PARD3: variants seen among roughly 807,000 people sequenced by gnomAD.
PARD3 encodes partitioning defective 3 homolog.
A neutral mutation model predicts 155.4 loss-of-function variants in PARD3; 75 were observed. That is an observed-to-expected ratio of 0.48 (90% CI 0.40 to 0.58). The LOEUF (loss-of-function observed/expected upper bound fraction) is 0.58. PARD3 is among the 20% of genes least tolerant of loss of function. The pLI is 0.00. For missense variants in PARD3, 1,642 were observed against 1,721.7 expected, an observed-to-expected ratio of 0.95 and a Z score of 0.82; for synonymous variants, 576 against 610.5, an observed-to-expected ratio of 0.94 and a Z score of 0.83.
intron 14 of PARD3, among the ~76,000 whole-genome samples, chr10:34,356,286 T>C (rs73256797): frequency 0.11 from 16,404 of 152,186 alleles, 1,769 homozygotes; most frequent in African/African-American, 0.28. Context: ...GTGAGGTGGC[T>C]CATGCCTGAA....
rs186901274 is a variant in PARD3, at chr10:34,312,140, A to C, written c.3065+4967T>G. On this transcript the variant is annotated intron_variant, in intron 20 of 24. Transcript: ENST00000374788. ...AAAAAAACACGTCTCTGCCTTTTCA[A>C]GCGTAATTTAAACCCCAAGCTTGAA... The C allele has an allele frequency of 2.7e-4, 208 of 780,096 alleles. 1 individual carries two copies. In the African/African-American group the frequency reaches 2.8e-3, roughly 10 times the overall value. 48.3% of individuals were successfully genotyped at this position (780,096 alleles called of 1,614,324 possible). A position where few individuals can be genotyped will look rare whatever the true frequency, so the allele number is the denominator to read the frequency against.
chr10:34,220,688 C>T (rs1952233975), intron 22 of PARD3, among the ~76,000 whole-genome samples: 1 of 152,160 alleles, frequency 6.6e-6, no homozygotes, highest in South Asian at 2.1e-4. Context: ...GTGATGGCAC[C>T]TTCTGCTTAG....
chr10:34,557,964 A>C (rs2134027073), intron 2 of PARD3, among the ~76,000 whole-genome samples: 1 of 152,166 alleles, frequency 6.6e-6, no homozygotes, highest in South Asian at 2.1e-4. Flanking sequence ...GAAAGAAAGA[A>C]AAAAGTACAA....
At chr10:34,579,554 CTGTGTGTGTGTGTGTG>C (rs554959827) in intron 2 of PARD3, among the ~76,000 whole-genome samples, 4,175 of 122,564 alleles carry the variant, frequency 0.034, 199 homozygotes, top group African/African-American at 0.11. Flanking sequence ...ACCATTTTCT[CTGTGTGTGTGTGTGTG>C]TGTGTGTGTG....
At chr10:34,298,403 T>C (rs1339205382) in intron 20 of PARD3, among the ~76,000 whole-genome samples, 1 of 152,162 alleles carries the variant, frequency 6.6e-6, no homozygotes, top group Non-Finnish European at 1.5e-5. Context: ...TACAATAAAA[T>C]ACTACTCAGC....
At chr10:34,697,034 A>AC (rs1252439509) in intron 1 of PARD3, among the ~76,000 whole-genome samples, 1 of 146,192 alleles carries the variant, frequency 6.8e-6, no homozygotes, top group African/African-American at 2.7e-5. Flanking sequence ...TAAAATGCGT[A>AC]AACACACACA....
intron 22 of PARD3, among the ~76,000 whole-genome samples, chr10:34,227,854 T>TATATA (rs1952683542): frequency 1.5e-4 from 4 of 26,504 alleles, no homozygotes; most frequent in African/African-American, 3.0e-4. Flanking sequence ...GGGAATTATT[T>TATATA]TTTATATATA....
At chr10:34,692,086 G>A (rs1426203499) in intron 2 of PARD3, among the ~76,000 whole-genome samples, 3 of 152,136 alleles carry the variant, frequency 2.0e-5, no homozygotes, top group Non-Finnish European at 2.9e-5. Flanking sequence ...ACAAAAATTA[G>A]CCAGGCATGG....
rs779214274 is a variant in PARD3 at position 34,317,243 on chromosome 10, C to T, written c.2929G>A (p.Gly977Arg). Residue 977 changes from glycine (G) to arginine (R), a missense_variant, in exon 20 of 25, where the codon GGA becomes AGA. By Grantham distance (125) the Gly-to-Arg change is moderately radical. Around this residue, in one of 3 missense-constraint regions of PARD3, gnomAD observed 1,529 missense variants for 1,587.3 expected, o/e 0.96. Transcript: ENST00000374788. Reference sequence around the variant, plus strand: ...GTCTTATCACCTTTCTCTTGGTTTCCATTCATTTGTCTCTCCAGAGAGTGG... The same window carrying T: ...GTCTTATCACCTTTCTCTTGGTTTCTATTCATTTGTCTCTCCAGAGAGTGG... ...PSHSLERQMNGNQEKGDKTDR... is the reference protein window; with the variant it reads ...PSHSLERQMNRNQEKGDKTDR... The T allele has an allele frequency of 6.2e-7, 1 of 1,613,312 alleles. No individual in the cohort carries two copies. Among genetic ancestry groups the T allele is most frequent in the Non-Finnish European group, 8.5e-7 (1 of 1,179,844 alleles).
chr10:34,463,116 A>G, intron 4 of PARD3, among the ~76,000 whole-genome samples: 1 of 107,076 alleles, frequency 9.3e-6, no homozygotes. Flanking sequence ...GTGAAGGGGA[A>G]GAAAAGGAAA....
At chr10:34,411,877 G>GTT in intron 5 of PARD3, among the ~76,000 whole-genome samples, 1 of 150,580 alleles carries the variant, frequency 6.6e-6, no homozygotes, top group East Asian at 2.0e-4. Context: ...TTTATCAGGA[G>GTT]TTTTTTTTCT....
At chr10:34,177,648 G>A (rs1950092969) in intron 22 of PARD3, among the ~76,000 whole-genome samples, 1 of 152,258 alleles carries the variant, frequency 6.6e-6, no homozygotes, top group Non-Finnish European at 1.5e-5. Context: ...CAATTAGAAC[G>A]CAAGACTCGC....
In PARD3 at chr10:34,411,919, CGTGTGTGTGTGTGTGT is replaced by C. The variant is rs61517279; in HGVS notation, c.715-10018_715-10003del. On this transcript the variant is annotated intron_variant, in intron 5 of 24. Transcript: ENST00000374788. ...TTTAACAAAATCTTTATAAGCTAGT[CGTGTGTGTGTGTGTGT>C]GTGTGTGTGTGTGTGTGTGTGTGTG... 1.8e-3 allele frequency among the ~76,000 whole-genome samples: 259 copies of C among 141,178 alleles called. 3 individuals are homozygous for C. The highest frequency in any genetic ancestry group is 5.8e-3 in the African/African-American group (222 of 38,198). 92.6% of individuals were successfully genotyped at this position (141,178 alleles called of 152,430 possible). A position where few individuals can be genotyped will look rare whatever the true frequency, so the allele number is the denominator to read the frequency against.
chr10:34,262,315 G>A (rs72786250), intron 22 of PARD3, among the ~76,000 whole-genome samples: 7,360 of 151,870 alleles, frequency 0.048, 231 homozygotes, highest in Non-Finnish European at 0.075. Flanking sequence ...CACTGATTCT[G>A]GAGTGCAGTG....
chr10:34,125,142 C>T (rs1947213914), intron 23 of PARD3, among the ~76,000 whole-genome samples: 1 of 150,596 alleles, frequency 6.6e-6, no homozygotes, highest in Non-Finnish European at 1.5e-5. Context: ...TCTTGGCTCA[C>T]TGCCACCTTA....
At chr10:34,170,913 T>G (rs889473905) in intron 22 of PARD3, among the ~76,000 whole-genome samples, 7 of 152,226 alleles carry the variant, frequency 4.6e-5, no homozygotes, top group Non-Finnish European at 7.3e-5. Flanking sequence ...TGGAATAATG[T>G]GCTAGACGCG....
intron 14 of PARD3, among the ~76,000 whole-genome samples, chr10:34,355,285 A>G (rs1212997644): frequency 6.6e-6 from 1 of 152,090 alleles, no homozygotes; most frequent in African/African-American, 2.4e-5. Flanking sequence ...CGGGGACTAT[A>G]CCACTGCACT....
intron 22 of PARD3, among the ~76,000 whole-genome samples, chr10:34,256,678 C>T (rs1004888602): frequency 6.6e-6 from 1 of 152,024 alleles, no homozygotes; most frequent in Non-Finnish European, 1.5e-5. Flanking sequence ...AACCCAAGAC[C>T]CCCTATATAG....
intron 2 of PARD3, among the ~76,000 whole-genome samples, chr10:34,694,614 G>A (rs1438853614): frequency 6.6e-6 from 1 of 151,460 alleles, no homozygotes; most frequent in East Asian, 1.9e-4. Context: ...GGGACTACAG[G>A]CACCCGCCAC....
Sources: gnomAD v4.1 joint callset for allele counts (sites outside exome capture counted in the v4.1 genomes callset) on GRCh38, gnomAD v4.1.1 for gene constraint, gnomAD v4.1.1 regional missense constraint, MANE v1.5 for transcripts, NCBI Gene and HGNC (gene_info 2026-07-23, HGNC 2026-07-21) for gene names.